The following ROBO2 variants were observed in gnomAD, a reference collection of about 807,000 sequenced individuals.
ROBO2 encodes roundabout guidance receptor 2.
ROBO2 carries 53 observed loss-of-function variants against 160.8 expected under a neutral mutation model. That is an observed-to-expected ratio of 0.33 (90% CI 0.26 to 0.41). The LOEUF is 0.41. Among genes scored for constraint, ROBO2 ranks in the 10% least tolerant of loss-of-function variants. The pLI, the probability that ROBO2 is intolerant of heterozygous loss-of-function variation, is 1.00. For missense variants in ROBO2, 1,577 were observed against 1,722.4 expected, an observed-to-expected ratio of 0.92 and a Z score of 1.49; for synonymous variants, 664 against 611.7, an observed-to-expected ratio of 1.09 and a Z score of -1.26.
At chr3:77,046,266 G>A (rs1177680420) in intron 1 of ROBO2, among the ~76,000 whole-genome samples, 2 of 152,144 alleles carry the variant, frequency 1.3e-5, no homozygotes, top group African/African-American at 4.8e-5. Context: ...AAGAGTCGAA[G>A]GGCCTTATGA....
intron 2 of ROBO2, among the ~76,000 whole-genome samples, chr3:76,426,547 C>T (rs917205914): frequency 3.3e-5 from 5 of 152,090 alleles, no homozygotes; most frequent in African/African-American, 7.2e-5. Context: ...CATTCAAGTG[C>T]TTGGTCACAA....
chr3:77,489,715 G>C (rs1466062225), intron 4 of ROBO2, among the ~76,000 whole-genome samples: 1 of 152,186 alleles, frequency 6.6e-6, no homozygotes, highest in Non-Finnish European at 1.5e-5. Flanking sequence ...GTATTTTAAT[G>C]GAACTGGTCT....
At chr3:76,241,439 A>C (rs1006283845) in intron 2 of ROBO2, among the ~76,000 whole-genome samples, 2 of 152,242 alleles carry the variant, frequency 1.3e-5, no homozygotes, top group African/African-American at 4.8e-5. Flanking sequence ...GATATAGCAG[A>C]GAACAGAACG....
At chr3:76,830,775 G>C (rs1365712214) in intron 2 of ROBO2, among the ~76,000 whole-genome samples, 2 of 147,508 alleles carry the variant, frequency 1.4e-5, no homozygotes, top group African/African-American at 2.5e-5. Flanking sequence ...CCCAGAATTT[G>C]AGATGACGCT....
chr3:76,060,520 G>A (rs558088753), intron 2 of ROBO2, among the ~76,000 whole-genome samples: 19 of 152,230 alleles, frequency 1.2e-4, no homozygotes, highest in African/African-American at 4.1e-4. Flanking sequence ...TTTGTCTTCC[G>A]GGAAAACATT....
chr3:77,240,087 T>G (rs9852515), intron 2 of ROBO2, among the ~76,000 whole-genome samples: 150,885 of 152,250 alleles, frequency 0.99, 74,778 homozygotes, highest in East Asian at 1. Flanking sequence ...CATGCTGCGC[T>G]CCTGCACTCC....
rs1323700904 is a variant in ROBO2 at position 76,829,226 on chromosome 3, T to C, written c.110-268788T>C. 2.6e-5 allele frequency among the ~76,000 whole-genome samples: 4 copies of C among 152,204 alleles called. No homozygotes were observed. The East Asian group carries it at 7.7e-4, about 29-fold the overall frequency. On this transcript the variant is annotated intron_variant, in intron 2 of 26. Coordinates refer to the ROBO2 transcript ENST00000487694. ...ACCTTTAATTGGCAACCTAATCTAA[T>C]CTGCTTTTCCCTCAACCTAGTCTTA...
At chr3:77,058,367 T>G (rs2065963958) in intron 1 of ROBO2, among the ~76,000 whole-genome samples, 1 of 152,136 alleles carries the variant, frequency 6.6e-6, no homozygotes, top group Admixed American at 6.6e-5. Flanking sequence ...TTAAATAAAA[T>G]ATTATTGTGT....
chr3:77,438,594 T>C (rs2079576691), intron 2 of ROBO2, among the ~76,000 whole-genome samples: 1 of 151,850 alleles, frequency 6.6e-6, no homozygotes, highest in African/African-American at 2.4e-5. Context: ...ATATTGTGTA[T>C]ATTACATATT....
chr3:76,620,306 TA>T (rs2088962277), intron 2 of ROBO2, among the ~76,000 whole-genome samples: 1 of 152,178 alleles, frequency 6.6e-6, no homozygotes, highest in South Asian at 2.1e-4. Context: ...AAGGAAAAGC[TA>T]CAAATTTTAC....
chr3:75,945,637 T>C (rs74442615), intron 2 of ROBO2, among the ~76,000 whole-genome samples: 2 of 152,298 alleles, frequency 1.3e-5, no homozygotes, highest in Non-Finnish European at 2.9e-5. Flanking sequence ...TAAATTCTAA[T>C]TTAAACTGAT....
intron 2 of ROBO2, among the ~76,000 whole-genome samples, chr3:76,478,088 A>G (rs2079022069): frequency 1.3e-5 from 2 of 150,900 alleles, no homozygotes; most frequent in Non-Finnish European, 3.0e-5. Flanking sequence ...CAGGTTAGTT[A>G]CATATGTATA....
At chr3:77,236,506 C>T (rs1447137159) in intron 2 of ROBO2, among the ~76,000 whole-genome samples, 2 of 151,990 alleles carry the variant, frequency 1.3e-5, no homozygotes, top group East Asian at 3.9e-4. Context: ...GTTGGAATGC[C>T]CTGGCCAAGA....
intron 2 of ROBO2, among the ~76,000 whole-genome samples, chr3:76,619,109 G>A (rs2088841733): frequency 6.6e-6 from 1 of 151,822 alleles, no homozygotes; most frequent in South Asian, 2.1e-4. Context: ...GGGAGGCCGA[G>A]GCGGGCGGAT....
chr3:77,016,955 T>C (rs1051609805), intron 2 of ROBO2, among the ~76,000 whole-genome samples: 13 of 152,358 alleles, frequency 8.5e-5, no homozygotes, highest in African/African-American at 3.1e-4. Context: ...TAATATTTAC[T>C]AAAGTTATGA....
intron 2 of ROBO2, among the ~76,000 whole-genome samples, chr3:76,085,145 G>A (rs571065330): frequency 2.7e-4 from 40 of 149,246 alleles, no homozygotes; most frequent in South Asian, 1.1e-3. Flanking sequence ...ACACACATAC[G>A]TATATACATA....
At chr3:76,462,534 T>C (rs968486862) in intron 2 of ROBO2, among the ~76,000 whole-genome samples, 1 of 151,938 alleles carries the variant, frequency 6.6e-6, no homozygotes, top group African/African-American at 2.4e-5. Flanking sequence ...ATGGTGCAAT[T>C]ATAGATTACA....
chr3:77,570,508 A>G (rs984578406), intron 13 of ROBO2, among the ~76,000 whole-genome samples: 7 of 152,084 alleles, frequency 4.6e-5, no homozygotes, highest in African/African-American at 1.7e-4. Context: ...TGTTTGTTGA[A>G]TGATCAAATC....
rs377740693 is a variant in ROBO2 at position 76,658,843 on chromosome 3, T to C, written c.110-439171T>C. 1.1e-4 allele frequency among the ~76,000 whole-genome samples: 16 copies of C among 152,320 alleles called. No individual in the cohort carries two copies. In the East Asian group the frequency reaches 1.2e-3, roughly 11 times the overall value. On this transcript the variant is annotated intron_variant, in intron 2 of 26. Coordinates refer to the ROBO2 transcript ENST00000487694. ...AGTCATATCTTTTCATGCTAGGATA[T>C]ATTATACAAACCTGTCTCATTCATT... is the stretch of plus-strand genomic sequence containing the variant.
Sources: gnomAD v4.1 joint callset for allele counts (sites outside exome capture counted in the v4.1 genomes callset) on GRCh38, gnomAD v4.1.1 for gene constraint, MANE v1.5 for transcripts, NCBI Gene and HGNC (gene_info 2026-07-23, HGNC 2026-07-21) for gene names.